The following GALNT13 variants were observed in gnomAD, a reference collection of about 807,000 sequenced individuals.
GALNT13 encodes the protein polypeptide N-acetylgalactosaminyltransferase 13.
Under a neutral mutation model 64.2 loss-of-function variants are expected in GALNT13, and 28 were observed. The ratio of observed to expected loss-of-function variants is 0.44; its 90% CI spans 0.32 to 0.60. GALNT13 has a LOEUF of 0.60. Ranked by LOEUF, GALNT13 falls within the 20% of genes least tolerant of loss-of-function variation. The pLI is 0.05. For missense variants in GALNT13, 577 were observed against 669.8 expected (o/e 0.86, Z 1.53); for synonymous variants, 214 against 224.6 (o/e 0.95, Z 0.42).
the GALNT13 span, among the ~76,000 whole-genome samples, chr2:153,810,072 T>C: frequency 3.3e-5 from 5 of 152,184 alleles, no homozygotes; most frequent in African/African-American, 4.8e-5. Flanking sequence ...ACCATTCTCC[T>C]GCCTCAGCCT....
intron 3 of GALNT13, among the ~76,000 whole-genome samples, chr2:154,084,997 G>T (rs1701456188): frequency 6.6e-6 from 1 of 151,784 alleles, no homozygotes; most frequent in Admixed American, 6.6e-5. Context: ...TCTTGTGCAT[G>T]TTCCCAAGAA....
At chr2:154,249,927 C>T (rs1386075747) in intron 7 of GALNT13, among the ~76,000 whole-genome samples, 2 of 151,988 alleles carry the variant, frequency 1.3e-5, no homozygotes, top group East Asian at 1.9e-4. Flanking sequence ...TCATTAGTAT[C>T]TCTGATTATA....
chr2:154,292,260 C>T (rs908589522), intron 8 of GALNT13, among the ~76,000 whole-genome samples: 3 of 152,086 alleles, frequency 2.0e-5, no homozygotes, highest in Non-Finnish European at 4.4e-5. Context: ...AGAGCCTGCT[C>T]TTTCACCATG....
chr2:153,608,503 G>A, the GALNT13 span, among the ~76,000 whole-genome samples: 1 of 151,772 alleles, frequency 6.6e-6, no homozygotes, highest in African/African-American at 2.4e-5. Flanking sequence ...AAGATAGCAT[G>A]AGTATCCATC....
At chr2:153,652,071 A>T in the GALNT13 span, among the ~76,000 whole-genome samples, 60 of 152,148 alleles carry the variant, frequency 3.9e-4, no homozygotes, top group African/African-American at 1.3e-3. Context: ...CATTTCAAAA[A>T]TTTTTTCCAC....
At chr2:154,415,684 A>G (rs867038656) in intron 11 of GALNT13, among the ~76,000 whole-genome samples, 9 of 152,296 alleles carry the variant, frequency 5.9e-5, no homozygotes, top group Middle Eastern at 3.4e-3. Flanking sequence ...AAAAATTTAG[A>G]GAGTAAACAA....
At chr2:153,380,637 A>C in the GALNT13 span, among the ~76,000 whole-genome samples, 1 of 152,094 alleles carries the variant, frequency 6.6e-6, no homozygotes, top group South Asian at 2.1e-4. Context: ...ATGTGAATGT[A>C]CGTAGTATAG....
At chr2:153,534,163 C>T in the GALNT13 span, among the ~76,000 whole-genome samples, 15,072 of 152,142 alleles carry the variant, frequency 0.099, 2,496 homozygotes, top group African/African-American at 0.34. Context: ...TTCCAACCTC[C>T]CTGCCATATT....
the GALNT13 span, among the ~76,000 whole-genome samples, chr2:153,798,798 T>C: frequency 2.0e-5 from 3 of 152,198 alleles, no homozygotes; most frequent in African/African-American, 7.2e-5. Flanking sequence ...TTCCATGTTA[T>C]GGTTAATTAA....
At chr2:153,646,830 A>G in the GALNT13 span, among the ~76,000 whole-genome samples, 6 of 152,280 alleles carry the variant, frequency 3.9e-5, no homozygotes, top group African/African-American at 7.2e-5. Flanking sequence ...TCCATGGTGT[A>G]TATGTGCCAC....
the GALNT13 span, among the ~76,000 whole-genome samples, chr2:153,128,150 T>C: frequency 1.3e-5 from 2 of 152,194 alleles, no homozygotes; most frequent in Non-Finnish European, 2.9e-5. Context: ...ATATTGTCTC[T>C]TACTGAGTTT....
the GALNT13 span, among the ~76,000 whole-genome samples, chr2:153,814,306 G>A: frequency 6.6e-6 from 1 of 152,164 alleles, no homozygotes; most frequent in Non-Finnish European, 1.5e-5. Flanking sequence ...TGGGCGCGGT[G>A]GCGGGCGCCT....
At chr2:153,417,625 GTGT>G in the GALNT13 span, among the ~76,000 whole-genome samples, 1 of 152,174 alleles carries the variant, frequency 6.6e-6, no homozygotes, top group Non-Finnish European at 1.5e-5. Flanking sequence ...GAGTCTATGG[GTGT>G]TGTTCTAAGT....
At chr2:153,176,568 C>T in the GALNT13 span, among the ~76,000 whole-genome samples, 1 of 151,924 alleles carries the variant, frequency 6.6e-6, no homozygotes, top group African/African-American at 2.4e-5. Flanking sequence ...TTAGTGGACT[C>T]AAAGATGGTT....
At chr2:153,217,723 T>C in the GALNT13 span, among the ~76,000 whole-genome samples, 1 of 152,038 alleles carries the variant, frequency 6.6e-6, no homozygotes, top group Non-Finnish European at 1.5e-5. Context: ...CCCTACATGT[T>C]TCCCCCTGTT....
At chr2:153,633,951 C>T in the GALNT13 span, among the ~76,000 whole-genome samples, 5 of 152,088 alleles carry the variant, frequency 3.3e-5, no homozygotes, top group East Asian at 9.7e-4. Flanking sequence ...GACTTAAATT[C>T]TACAGACCCT....
At chr2:153,580,524 TAAA>T in the GALNT13 span, among the ~76,000 whole-genome samples, 1 of 152,006 alleles carries the variant, frequency 6.6e-6, no homozygotes, top group Non-Finnish European at 1.5e-5. Flanking sequence ...AAGTTTTTTC[TAAA>T]AAAATCTACA....
intron 4 of GALNT13, among the ~76,000 whole-genome samples, chr2:154,182,696 T>C (rs1390986387): frequency 6.7e-6 from 1 of 148,900 alleles, no homozygotes; most frequent in African/African-American, 2.4e-5. Context: ...ATATTTATTA[T>C]ATTTGTATAA....
At chr2:154,414,034 A>T (rs1037232599) in intron 11 of GALNT13, among the ~76,000 whole-genome samples, 4 of 152,124 alleles carry the variant, frequency 2.6e-5, no homozygotes, top group African/African-American at 9.6e-5. Context: ...TTATTGTTTA[A>T]CATACAATAT....
Sources: allele counts gnomAD v4.1 joint callset (sites outside exome capture counted in the v4.1 genomes callset), GRCh38; gene constraint gnomAD v4.1.1; transcripts MANE v1.5; gene names NCBI Gene and HGNC (gene_info 2026-07-23, HGNC 2026-07-21).